The following ARFGEF3 variants were observed in gnomAD, a reference collection of about 807,000 sequenced individuals.
ARFGEF3 encodes the protein brefeldin A-inhibited guanine nucleotide-exchange protein 3.
ARFGEF3 carries 96 observed loss-of-function variants against 221.7 expected under a neutral mutation model. That is an observed-to-expected ratio of 0.43 (90% confidence interval 0.37 to 0.51). The LOEUF (loss-of-function observed/expected upper bound fraction) is 0.51. Ranked by LOEUF, ARFGEF3 falls within the 20% of genes least tolerant of loss-of-function variation. The probability of loss-of-function intolerance (pLI) is 0.00; values close to 1 mark genes in which losing one functional copy is unlikely to be tolerated. For missense variants in ARFGEF3, 2,410 were observed against 2,789.9 expected (o/e 0.86, Z 3.07); for synonymous variants, 1,145 against 1,126.8 (o/e 1.02, Z -0.32).
At chr6:138,210,816 G>T (rs1426227318) in intron 4 of ARFGEF3, among the ~76,000 whole-genome samples, 2 of 152,200 alleles carry the variant, frequency 1.3e-5, no homozygotes, top group African/African-American at 4.8e-5. Context: ...TCCCATGGTG[G>T]ATTTCTTCCT....
intron 29 of ARFGEF3, 124 bp from the exon 30 acceptor site, chr6:138,323,547 G>T: frequency 2.7e-6 from 2 of 727,496 alleles, no homozygotes; most frequent in South Asian, 3.6e-5. Context: ...GGAGATGGAG[G>T]TTGCAGTGAG....
intron 31 of ARFGEF3, among the ~76,000 whole-genome samples, chr6:138,327,800 AGT>A (rs1159678542): frequency 1.3e-5 from 2 of 152,236 alleles, no homozygotes; most frequent in African/African-American, 4.8e-5. Context: ...TGCTGGTATT[AGT>A]GTCAACGGCT....
At chr6:138,300,093 A>T (rs1227981806) in intron 22 of ARFGEF3, among the ~76,000 whole-genome samples, 1 of 152,244 alleles carries the variant, frequency 6.6e-6, no homozygotes. Flanking sequence ...GGCAACGGAG[A>T]GAACTGATAA....
chr6:138,174,031 C>A (rs1179861300), intron 2 of ARFGEF3, among the ~76,000 whole-genome samples: 1 of 152,150 alleles, frequency 6.6e-6, no homozygotes, highest in Non-Finnish European at 1.5e-5. Context: ...GAATGAGACA[C>A]AGCAGATGTG....
chr6:138,325,352 C>CTT (rs1780108309), intron 31 of ARFGEF3, among the ~76,000 whole-genome samples: 1 of 152,194 alleles, frequency 6.6e-6, no homozygotes, highest in Non-Finnish European at 1.5e-5. Context: ...TTCTTTGGGG[C>CTT]TTTTCCCAGC....
At chr6:138,232,847 G>T (rs1008172713) in intron 5 of ARFGEF3, among the ~76,000 whole-genome samples, 1 of 151,996 alleles carries the variant, frequency 6.6e-6, no homozygotes, top group Non-Finnish European at 1.5e-5. Flanking sequence ...AGTGAAGTTT[G>T]CTTGCTCAAG....
intron 12 of ARFGEF3, among the ~76,000 whole-genome samples, chr6:138,264,960 G>A (rs1778859832): frequency 6.7e-6 from 1 of 148,508 alleles, no homozygotes; most frequent in Admixed American, 6.8e-5. Context: ...CTGGAGTCCA[G>A]TGGTGCAATC....
At chr6:138,328,185 A>C in intron 32 of ARFGEF3, 43 bp downstream of exon 32, 2 of 1,539,386 alleles carry the variant, frequency 1.3e-6, no homozygotes, top group Non-Finnish European at 8.8e-7. Flanking sequence ...TATAAATAAG[A>C]ATGTTCATTC....
chr6:138,311,906 T>C (rs1446110766), intron 25 of ARFGEF3, among the ~76,000 whole-genome samples: 1 of 152,014 alleles, frequency 6.6e-6, no homozygotes. Context: ...ACATGCTCAG[T>C]CAAGATCATC....
intron 14 of ARFGEF3, 63 bp downstream of exon 14, chr6:138,280,227 C>A: frequency 1.3e-6 from 2 of 1,514,548 alleles, no homozygotes; most frequent in East Asian, 2.3e-5. Flanking sequence ...CGCTTTAAAG[C>A]CTCTTTCAGA....
At chr6:138,213,220 A>G (rs1303048908) in intron 4 of ARFGEF3, among the ~76,000 whole-genome samples, 10 of 151,206 alleles carry the variant, frequency 6.6e-5, no homozygotes, top group Non-Finnish European at 1.2e-4. Flanking sequence ...TCCGGGAGGC[A>G]GAGCTTATAG....
At chr6:138,301,773 T>G (rs1414030921) in intron 22 of ARFGEF3, among the ~76,000 whole-genome samples, 1 of 152,210 alleles carries the variant, frequency 6.6e-6, no homozygotes, top group Non-Finnish European at 1.5e-5. Flanking sequence ...ACAGATTGAT[T>G]GCCAGAGGGT....
At chr6:138,249,537 G>T (rs1206883677) in intron 8 of ARFGEF3, among the ~76,000 whole-genome samples, 1 of 152,042 alleles carries the variant, frequency 6.6e-6, no homozygotes, top group African/African-American at 2.4e-5. Context: ...CACCATGTTG[G>T]CTAGGCTGGT....
At chr6:138,207,184 A>G in intron 3 of ARFGEF3, 61 bp downstream of exon 3, 1 of 1,285,978 alleles carries the variant, frequency 7.8e-7, no homozygotes, top group South Asian at 1.3e-5. Flanking sequence ...TGGCATTGAA[A>G]GGGCAAATAG....
Position 138,162,027 on chromosome 6 carries a change from G to A in ARFGEF3, c.-60G>A, listed in dbSNP as rs1776622586. The A allele has an allele frequency of 1.6e-5, 21 of 1,329,618 alleles. No homozygotes were observed. The highest frequency in any genetic ancestry group is 3.3e-5 in the East Asian group (1 of 30,358). 82.4% of individuals were successfully genotyped at this position (1,329,618 alleles called of 1,614,324 possible). On this transcript the variant is annotated 5_prime_UTR_variant, in exon 1 of 34. Coordinates refer to ENST00000251691, the MANE Select transcript of ARFGEF3 (RefSeq NM_020340.5). This position sits in a 1 kb window ranked among gnomAD's most constrained non-coding sequence, Gnocchi z 4.7. The stretch of plus-strand genomic sequence containing the variant: ...AGGGCCAGGCAGCGGCGGCTTCCCC[G>A]GCCCGGCTCGCCCGCGCTTCTCTCC...
At chr6:138,248,320 G>T (rs1778521539) in intron 8 of ARFGEF3, among the ~76,000 whole-genome samples, 1 of 152,086 alleles carries the variant, frequency 6.6e-6, no homozygotes, top group Non-Finnish European at 1.5e-5. Context: ...TTCACCAGGG[G>T]ACACCACAGC....
At position 138,245,457 on chromosome 6, in the gene ARFGEF3, G is replaced by T. The variant is rs1019949942; in HGVS notation, c.587-56G>T. 8.3e-6 allele frequency: 10 copies of T among 1,207,986 alleles called. No individual in the cohort carries two copies. In the African/African-American group the frequency reaches 1.0e-4, roughly 13 times the overall value. 74.8% of individuals were successfully genotyped at this position (1,207,986 alleles called of 1,614,324 possible). ...TGGAGGATGGGAAGGATGGTTCAGG[G>T]AGCTCGTCGTGCCCCCTGTCGATGT... On this transcript the variant is annotated intron_variant, in intron 7 of 33. Coordinates refer to ENST00000251691, the MANE Select transcript of ARFGEF3 (RefSeq NM_020340.5).
At chr6:138,237,162 G>A (rs1452016517) in intron 5 of ARFGEF3, among the ~76,000 whole-genome samples, 1 of 152,068 alleles carries the variant, frequency 6.6e-6, no homozygotes, top group African/African-American at 2.4e-5. Flanking sequence ...CATGAGGCCT[G>A]GCAGAAAATT....
chr6:138,334,801 C>CCTG lies in ARFGEF3; in HGVS notation c.5963_5965dup (p.Leu1988dup). 4.4e-6 allele frequency: 7 copies of CCTG among 1,603,938 alleles called. No individual in the cohort carries two copies. The highest frequency in any genetic ancestry group is 5.1e-6 in the Non-Finnish European group (6 of 1,175,604). On this transcript the variant is annotated inframe_insertion, in exon 33 of 34. Transcript: ENST00000251691. This position sits in a 1 kb window ranked among gnomAD's most constrained non-coding sequence, Gnocchi z 5.1. ...TGAGCCTGAAGGCCGGTGGTGGGGA[C>CCTG]CTGCTGCTGCCCCCCAGCCCCAAAG...
Sources: gnomAD v4.1 joint callset for allele counts (sites outside exome capture counted in the v4.1 genomes callset) on GRCh38, gnomAD v4.1.1 for gene constraint, Gnocchi (gnomAD v3.1) non-coding constraint, MANE v1.5 for transcripts, NCBI Gene and HGNC (gene_info 2026-07-23, HGNC 2026-07-21) for gene names.